The following DYM variants were observed in gnomAD, a reference collection of about 807,000 sequenced individuals.
The protein encoded by DYM is dymeclin, also known as dyggve-Melchior-Clausen syndrome protein.
A neutral mutation model predicts 93.1 loss-of-function variants in DYM; 78 were observed. The observed-to-expected ratio is 0.84, with a 90% CI of 0.70 to 1.01. The LOEUF (loss-of-function observed/expected upper bound fraction) is 1.01. Among genes scored for constraint, DYM ranks in the 50% least tolerant of loss-of-function variants. DYM has a pLI of 0.00. For missense variants in DYM, 789 were observed against 845.0 expected (o/e 0.93, Z 0.82); for synonymous variants, 321 against 319.7 (o/e 1.00, Z -0.04).
chr18:49,269,376 C>G (rs942693423), intron 11 of DYM, among the ~76,000 whole-genome samples: 9 of 151,962 alleles, frequency 5.9e-5, no homozygotes, highest in African/African-American at 2.2e-4. Flanking sequence ...TAGATTGGAG[C>G]CACCAAGGTG....
chr18:49,367,872 A>G, intron 5 of DYM, among the ~76,000 whole-genome samples: 1 of 150,098 alleles, frequency 6.7e-6, no homozygotes, highest in Non-Finnish European at 1.5e-5. Flanking sequence ...AAAATGGAAG[A>G]CACATAATTA....
chr18:49,112,234 A>G (rs1298177583), intron 16 of DYM, among the ~76,000 whole-genome samples: 1 of 150,856 alleles, frequency 6.6e-6, no homozygotes, highest in African/African-American at 2.4e-5. Context: ...CTATTGGTAC[A>G]TCACCTTGGG....
intron 1 of DYM, among the ~76,000 whole-genome samples, chr18:49,459,662 G>C (rs529860884): frequency 3.9e-4 from 59 of 151,872 alleles, no homozygotes; most frequent in Non-Finnish European, 7.2e-4. Context: ...TCTATCCTGG[G>C]TACCCGCTTT....
chr18:49,236,753 A>G (rs542707761), intron 13 of DYM, among the ~76,000 whole-genome samples: 1 of 152,358 alleles, frequency 6.6e-6, no homozygotes, highest in African/African-American at 2.4e-5. Flanking sequence ...GCCACTCCGT[A>G]GGAGCCGGGC....
At chr18:49,340,027 T>C (rs1232367478) in intron 6 of DYM, among the ~76,000 whole-genome samples, 4 of 152,168 alleles carry the variant, frequency 2.6e-5, no homozygotes, top group East Asian at 3.9e-4. Flanking sequence ...CTCGGCTCAC[T>C]GCAAGCTCCG....
intron 8 of DYM, among the ~76,000 whole-genome samples, chr18:49,288,688 G>A (rs1395867000): frequency 6.6e-6 from 1 of 151,996 alleles, no homozygotes; most frequent in Non-Finnish European, 1.5e-5. Flanking sequence ...GCTGAGGCGG[G>A]AGAATCTCTT....
intron 1 of DYM, among the ~76,000 whole-genome samples, chr18:49,451,057 GC>G (rs2082482075): frequency 6.6e-6 from 1 of 152,150 alleles, no homozygotes; most frequent in Admixed American, 6.5e-5. Flanking sequence ...CACTCAGAAA[GC>G]TAAAGCAATC....
intron 5 of DYM, among the ~76,000 whole-genome samples, chr18:49,364,916 AATAATCT>A (rs1225571136): frequency 2.4e-4 from 36 of 152,166 alleles, no homozygotes; most frequent in African/African-American, 8.4e-4. Flanking sequence ...TCTCACCCTG[AATAATCT>A]ATAAAGTATC....
intron 13 of DYM, among the ~76,000 whole-genome samples, chr18:49,235,624 C>T (rs934589672): frequency 2.0e-5 from 3 of 152,090 alleles, no homozygotes; most frequent in Admixed American, 1.3e-4. Flanking sequence ...TGACATTACA[C>T]TGCTACCAGT....
At chr18:49,261,018 T>C (rs1250390334) in intron 11 of DYM, among the ~76,000 whole-genome samples, 2 of 152,066 alleles carry the variant, frequency 1.3e-5, no homozygotes, top group African/African-American at 4.8e-5. Context: ...GAAAACAGAA[T>C]TAAATCTAAA....
intron 13 of DYM, among the ~76,000 whole-genome samples, chr18:49,218,582 G>C (rs941829867): frequency 6.6e-6 from 1 of 152,064 alleles, no homozygotes; most frequent in African/African-American, 2.4e-5. Context: ...AATGAAACTA[G>C]AACTCAGGAT....
At position 49,057,010 on chromosome 18, in the gene DYM, C is replaced by T. The variant is rs549688290; in HGVS notation, c.2026-12806G>A. On this transcript the variant is annotated intron_variant, in intron 17 of 17. Transcript: ENST00000675505. ...GCCTGGGCCAATTCCTGCTTTTACC[C>T]TTTCCTGTACAAAAAGGCATAGGTC... is the stretch of plus-strand genomic sequence containing the variant. Among the ~76,000 whole-genome samples, 9 of 152,308 alleles carry T rather than the reference C, an allele frequency of 5.9e-5. No individual in the cohort carries two copies. In the South Asian group the frequency reaches 1.2e-3, roughly 21 times the overall value.
rs572053451 is a variant in DYM at position 49,253,640 on chromosome 18, C to T, written c.1460+3370G>A. Among the ~76,000 whole-genome samples the T allele has an allele frequency of 8.5e-5, 13 of 152,242 alleles. No individual in the cohort carries two copies. In the South Asian group the frequency reaches 1.0e-3, roughly 12 times the overall value. On this transcript the variant is annotated intron_variant, in intron 13 of 17. Transcript: ENST00000675505. ...TCCTGCATGACACGATGCTCTGGTC[C>T]GCACCGGCTACTCAAATGTGGTCCT...
intron 9 of DYM, among the ~76,000 whole-genome samples, chr18:49,285,500 T>A (rs1171994166): frequency 1.3e-5 from 2 of 152,234 alleles, no homozygotes; most frequent in Non-Finnish European, 2.9e-5. Flanking sequence ...ACGTTTTTAT[T>A]GTACCTTTTC....
intron 16 of DYM, among the ~76,000 whole-genome samples, chr18:49,117,041 G>C (rs563323147): frequency 6.6e-6 from 1 of 152,252 alleles, no homozygotes; most frequent in Non-Finnish European, 1.5e-5. Flanking sequence ...ATGGAGTCCT[G>C]GTTCATAAAG....
chr18:49,080,159 G>GA (rs1411615641), intron 17 of DYM, among the ~76,000 whole-genome samples: 1 of 107,452 alleles, frequency 9.3e-6, no homozygotes, highest in Non-Finnish European at 2.0e-5. Flanking sequence ...CCGGGGGGGG[G>GA]CTGACCCCCC....
chr18:49,310,564 A>G (rs1466605110), intron 8 of DYM, among the ~76,000 whole-genome samples: 3 of 152,162 alleles, frequency 2.0e-5, no homozygotes. Context: ...CAAACTATTA[A>G]CCATAATTAT....
At chr18:49,424,637 G>C (rs1480169861) in intron 2 of DYM, among the ~76,000 whole-genome samples, 1 of 152,088 alleles carries the variant, frequency 6.6e-6, no homozygotes, top group African/African-American at 2.4e-5. Context: ...TGTATATTTA[G>C]AAAACTCCAT....
At chr18:49,260,357 G>C (rs1390475088) in intron 11 of DYM, among the ~76,000 whole-genome samples, 1 of 152,226 alleles carries the variant, frequency 6.6e-6, no homozygotes, top group Non-Finnish European at 1.5e-5. Flanking sequence ...ACTCCAGCCT[G>C]GGCGTAGCAG....
Sources: allele counts gnomAD v4.1 joint callset (sites outside exome capture counted in the v4.1 genomes callset), GRCh38; gene constraint gnomAD v4.1.1; transcripts MANE v1.5; gene names NCBI Gene and HGNC (gene_info 2026-07-23, HGNC 2026-07-21).